The following EXOC3L4 variants were observed in gnomAD, a reference collection of about 807,000 sequenced individuals.
EXOC3L4 encodes the protein exocyst complex component 3 like 4, also known as exocyst complex component 3-like protein 4.
Under a neutral mutation model 69.7 loss-of-function variants are expected in EXOC3L4, and 62 were observed. That is an observed-to-expected ratio of 0.89 (90% CI 0.72 to 1.10). The LOEUF is 1.10. Ranked by LOEUF, EXOC3L4 falls within the 50% of genes least tolerant of loss-of-function variation. The pLI, the probability that EXOC3L4 is intolerant of heterozygous loss-of-function variation, is 0.00. For synonymous variants in EXOC3L4, 502 were observed against 464.2 expected, an observed-to-expected ratio of 1.08 and a Z score of -1.05; for missense variants, 1,087 against 1,034.8, an observed-to-expected ratio of 1.05 and a Z score of -0.69.
chr14:103,100,557 G>C lies in EXOC3L4; in HGVS notation c.338G>C (p.Gly113Ala). The C allele has an allele frequency of 1.2e-6, 2 of 1,611,824 alleles. No individual in the cohort carries two copies. The highest frequency in any genetic ancestry group is 1.7e-6 in the Non-Finnish European group (2 of 1,178,972). ...TPEVPSGVMN[G>A]VSQQASTGAA... ...GAGGTGCCCTCGGGGGTCATGAATG[G>C]TGTCAGCCAGCAGGCATCCACTGGG... The change falls in exon 2 of 12, where the codon GGT becomes GCT. Residue 113 changes from glycine (G) to alanine (A), a missense_variant. Transcript: ENST00000688303.
intron 11 of EXOC3L4, among the ~76,000 whole-genome samples, chr14:103,108,838 G>GAGACC (rs1402624553): frequency 5.9e-5 from 9 of 152,152 alleles, no homozygotes; most frequent in Non-Finnish European, 1.3e-4. Context: ...ACCTGGTCAG[G>GAGACC]AGGAAGGAGG....
At position 103,102,623 on chromosome 14, in the gene EXOC3L4, G is replaced by C. The variant is rs1307507858; in HGVS notation, c.900G>C (p.Ala300=). The C allele has an allele frequency of 6.7e-7, 1 of 1,498,462 alleles. No individual in the cohort carries two copies. Among genetic ancestry groups the C allele is most frequent in the African/African-American group, 1.4e-5 (1 of 69,056 alleles). 92.8% of individuals were successfully genotyped at this position (1,498,462 alleles called of 1,614,324 possible). ...AGGTGCGGCAGGAGGTGCAGCCCGC[G>C]TATGCGGCGGCCGGCTTCCCAGCGT... The part of the protein sequence containing the change: ...LQKVRQEVQP[A]YAAAGFPAWE... The change falls in exon 3 of 12, where the codon GCG becomes GCC. Residue 300 remains alanine (A), a synonymous_variant. Transcript: ENST00000688303.
intron 1 of EXOC3L4, among the ~76,000 whole-genome samples, chr14:103,096,308 C>T (rs941509478): frequency 2.0e-5 from 3 of 152,026 alleles, no homozygotes; most frequent in East Asian, 1.9e-4. Flanking sequence ...GAGCTATGAT[C>T]GCATCCCTGC....
Position 103,102,108 on chromosome 14 carries a change from G to A in EXOC3L4, c.395-10G>A. The stretch of plus-strand genomic sequence containing the variant: ...GTCCCTCTCACCGCCCTTCTCGCCC[G>A]CCTGTGCAGAAGGCAAATCCGTGGC... On this transcript the variant is annotated splice_polypyrimidine_tract_variant and intron_variant, in intron 2 of 11. Transcript: ENST00000688303. 1.3e-6 allele frequency: 2 copies of A among 1,595,452 alleles called. No individual in the cohort carries two copies. Among genetic ancestry groups the A allele is most frequent in the Non-Finnish European group, 8.5e-7 (1 of 1,171,430 alleles).
At chr14:103,104,660 G>A (rs755038398) in intron 5 of EXOC3L4, 78 bp from the exon 6 acceptor site, 24 of 776,162 alleles carry the variant, frequency 3.1e-5, no homozygotes, top group Admixed American at 2.3e-4. Context: ...GGCTGGAGGC[G>A]CAGCGGGGGC....
chr14:103,103,385 A>G (rs111918213), intron 3 of EXOC3L4, among the ~76,000 whole-genome samples: 35 of 150,754 alleles, frequency 2.3e-4, no homozygotes, highest in African/African-American at 8.1e-4. Flanking sequence ...AGAAAGAAAG[A>G]AAAGAAAAAA....
chr14:103,099,101 A>G (rs934912882), intron 1 of EXOC3L4, among the ~76,000 whole-genome samples: 1 of 152,070 alleles, frequency 6.6e-6, no homozygotes, highest in Non-Finnish European at 1.5e-5. Context: ...TGGTCCTGGC[A>G]CCTGGGTGGG....
At chr14:103,104,440 C>A in intron 5 of EXOC3L4, 51 bp downstream of exon 5, 1 of 1,468,886 alleles carries the variant, frequency 6.8e-7, no homozygotes, top group Admixed American at 2.5e-5. Context: ...AAGCCTCACG[C>A]ACACGGTGGC....
At chr14:103,105,198 TTGTGTC>T in intron 7 of EXOC3L4, 126 bp downstream of exon 7, 7 of 926,022 alleles carry the variant, frequency 7.6e-6, no homozygotes, top group Non-Finnish European at 1.1e-5. Context: ...GTGTGTGTGT[TTGTGTC>T]TGTGTGTTGG....
At chr14:103,109,964 C>T (rs1890829616) in intron 11 of EXOC3L4, 67 bp from the exon 12 acceptor site, 1 of 1,481,628 alleles carries the variant, frequency 6.7e-7, no homozygotes, top group Non-Finnish European at 9.0e-7. Flanking sequence ...CGTGGGTTCG[C>T]CTCATGCTGG....
At chr14:103,100,009 C>A (rs1890082375) in intron 1 of EXOC3L4, 195 bp from the exon 2 acceptor site, 4 of 579,386 alleles carry the variant, frequency 6.9e-6, no homozygotes, top group Non-Finnish European at 1.2e-5. Context: ...CTGTCTATAT[C>A]TCCGTGCCCA....
intron 8 of EXOC3L4, 32 bp from the exon 9 acceptor site, chr14:103,107,392 C>T (rs376837978): frequency 6.2e-7 from 1 of 1,603,472 alleles, no homozygotes; most frequent in African/African-American, 1.3e-5. Context: ...GCGTAGTGCA[C>T]ATTTGCAGAC....
At chr14:103,106,763 G>A (rs1566951816) in intron 7 of EXOC3L4, 22 bp from the exon 8 acceptor site, 3 of 1,495,708 alleles carry the variant, frequency 2.0e-6, no homozygotes, top group Non-Finnish European at 2.7e-6. Context: ...CCACCTCATC[G>A]CTGGTCCTGG....
At chr14:103,103,774 A>C in intron 3 of EXOC3L4, 167 bp from the exon 4 acceptor site, 15 of 515,904 alleles carry the variant, frequency 2.9e-5, no homozygotes, top group East Asian at 7.2e-5. Context: ...GGGGTGTGGC[A>C]TGGCAGCCTA....
At position 103,109,981 on chromosome 14, in the gene EXOC3L4, G is replaced by A. The variant is rs767159011; in HGVS notation, c.1977-50G>A. The A allele has an allele frequency of 2.0e-5, 31 of 1,519,118 alleles. No individual in the cohort carries two copies. In the East Asian group the frequency reaches 3.1e-4, roughly 15 times the overall value. The allele number at this position is 1,519,118 out of a possible 1,614,324, so 94.1% of individuals were successfully genotyped here. On this transcript the variant is annotated intron_variant, in intron 11 of 11. Coordinates refer to ENST00000688303, the MANE Select transcript of EXOC3L4 (RefSeq NM_001077594.2). Reference sequence around the variant, plus strand: ...TGGGTTCGCCTCATGCTGGGGCTGGGGGTGTTGCGGAGGTGTAGGTCTGCA... The same window carrying A: ...TGGGTTCGCCTCATGCTGGGGCTGGAGGTGTTGCGGAGGTGTAGGTCTGCA...
intron 1 of EXOC3L4, chr14:103,098,560 C>G (rs575622715): frequency 1.3e-5 from 2 of 152,304 alleles, no homozygotes; most frequent in East Asian, 3.8e-4. Flanking sequence ...TTCTCCCAAA[C>G]AAGAAGGCGG....
chr14:103,096,398 A>ATTTTTT (rs1440659126), intron 1 of EXOC3L4, among the ~76,000 whole-genome samples: 7 of 68,528 alleles, frequency 1.0e-4, no homozygotes, highest in African/African-American at 3.1e-4. Flanking sequence ...TTTTGGCAAG[A>ATTTTTT]TTCTTTTTTT....
intron 7 of EXOC3L4, 147 bp downstream of exon 7, chr14:103,105,219 T>G: frequency 1.2e-6 from 1 of 806,034 alleles, no homozygotes; most frequent in Non-Finnish European, 1.9e-6. Flanking sequence ...TGTTGGTGGA[T>G]CTGAGGGGTG....
At chr14:103,103,437 G>C (rs1890335615) in intron 3 of EXOC3L4, 2 of 156,506 alleles carry the variant, frequency 1.3e-5, no homozygotes, top group African/African-American at 4.8e-5. Flanking sequence ...TCTGGGTTCA[G>C]GGTACAGCCT....
Sources: gnomAD v4.1 joint callset for allele counts (sites outside exome capture counted in the v4.1 genomes callset) on GRCh38, gnomAD v4.1.1 for gene constraint, MANE v1.5 for transcripts, NCBI Gene and HGNC (gene_info 2026-07-23, HGNC 2026-07-21) for gene names.